MAGI1: variants seen among roughly 807,000 people sequenced by gnomAD.
MAGI1 encodes membrane associated guanylate kinase, WW and PDZ domain containing 1, also known as membrane-associated guanylate kinase, WW and PDZ domain-containing protein 1.
A neutral mutation model predicts 139.9 loss-of-function variants in MAGI1; 58 were observed. The observed-to-expected ratio is 0.41, with a 90% CI of 0.34 to 0.52. The LOEUF (loss-of-function observed/expected upper bound fraction) is 0.52. MAGI1 is among the 20% of genes least tolerant of loss of function. MAGI1 has a pLI of 0.12. For missense variants in MAGI1, 1,874 were observed against 1,901.6 expected (o/e 0.99, Z 0.27); for synonymous variants, 812 against 737.9 (o/e 1.10, Z -1.63).
chr3:66,003,839 T>G lies in MAGI1; in HGVS notation c.313+34157A>C, dbSNP rs530847563. 2.6e-5 allele frequency: 4 copies of G among 152,246 alleles called. No individual in the cohort carries two copies. The East Asian group carries it at 7.8e-4, about 30-fold the overall frequency. The allele number at this position is 152,246 out of a possible 1,614,324, so 9.4% of individuals were successfully genotyped here. Reference sequence around the variant, plus strand: ...ATTCTCACTTTTTTGTTTGTTTGGTTTTTGGTTAGTCAAGTAAAGTAGTGA... The same window carrying G: ...ATTCTCACTTTTTTGTTTGTTTGGTGTTTGGTTAGTCAAGTAAAGTAGTGA... On this transcript the variant is annotated intron_variant, in intron 1 of 22. Transcript: ENST00000402939.
intron 1 of MAGI1, among the ~76,000 whole-genome samples, chr3:65,842,816 C>T (rs1220975386): frequency 6.6e-6 from 1 of 152,178 alleles, no homozygotes; most frequent in Non-Finnish European, 1.5e-5. Flanking sequence ...TCATGGTGAC[C>T]TACTGCTCTT....
At chr3:65,929,955 C>T (rs1230537506) in intron 1 of MAGI1, among the ~76,000 whole-genome samples, 1 of 152,142 alleles carries the variant, frequency 6.6e-6, no homozygotes, top group African/African-American at 2.4e-5. Context: ...TTTCCTTTAT[C>T]AGCCAAAGAG....
At chr3:65,436,038 T>C (rs1947823881) in intron 10 of MAGI1, among the ~76,000 whole-genome samples, 1 of 152,174 alleles carries the variant, frequency 6.6e-6, no homozygotes, top group Admixed American at 6.5e-5. Flanking sequence ...TCAACATTAT[T>C]ATCTACTATA....
intron 1 of MAGI1, among the ~76,000 whole-genome samples, chr3:65,871,262 A>T: frequency 6.6e-6 from 1 of 152,080 alleles, no homozygotes. Flanking sequence ...TAAAACAAAA[A>T]ATATATATAT....
At chr3:65,845,765 G>A (rs986311840) in intron 1 of MAGI1, among the ~76,000 whole-genome samples, 28 of 152,214 alleles carry the variant, frequency 1.8e-4, no homozygotes, top group African/African-American at 6.0e-4. Context: ...CACCTGTCTC[G>A]ACCTTCTCTG....
intron 2 of MAGI1, among the ~76,000 whole-genome samples, chr3:65,550,936 C>T (rs914112927): frequency 6.6e-6 from 1 of 152,322 alleles, no homozygotes; most frequent in East Asian, 1.9e-4. Context: ...TGCCACTACA[C>T]TCCAGCCTGG....
chr3:65,581,868 C>T (rs13326823), intron 2 of MAGI1, among the ~76,000 whole-genome samples: 100,240 of 152,010 alleles, frequency 0.66, 33,831 homozygotes, highest in East Asian at 0.93. Context: ...CTTAAACTCC[C>T]TGAGAACAAC....
chr3:65,471,704 T>G (rs1439469539), intron 4 of MAGI1, among the ~76,000 whole-genome samples: 2 of 152,156 alleles, frequency 1.3e-5, no homozygotes, highest in African/African-American at 4.8e-5. Context: ...TACATCATAC[T>G]CCTTGCCAAT....
intron 1 of MAGI1, among the ~76,000 whole-genome samples, chr3:65,967,446 C>T (rs2064808288): frequency 1.3e-5 from 2 of 152,104 alleles, no homozygotes; most frequent in African/African-American, 4.8e-5. Context: ...GATTTCCCCA[C>T]CCCGACCTGC....
chr3:65,854,980 G>A (rs559603332), intron 1 of MAGI1, among the ~76,000 whole-genome samples: 1 of 152,358 alleles, frequency 6.6e-6, no homozygotes, highest in African/African-American at 2.4e-5. Context: ...AAATAACTAC[G>A]TACAACATCT....
rs1034736486 is a variant in MAGI1, at chr3:65,971,106, G to A, written c.313+66890C>T. ...TAGTCCCAGCTACTCGGGAGGCTGA[G>A]GCAGGAGAATCACTTGAACCCAGGA... is the stretch of plus-strand genomic sequence containing the variant. On this transcript the variant is annotated intron_variant, in intron 1 of 22. Transcript: ENST00000402939. 1.1e-4 allele frequency among the ~76,000 whole-genome samples: 17 copies of A among 152,286 alleles called. No homozygotes were observed. The East Asian group carries it at 2.9e-3, about 26-fold the overall frequency.
At chr3:65,862,580 T>C (rs368719151) in intron 1 of MAGI1, among the ~76,000 whole-genome samples, 4 of 152,306 alleles carry the variant, frequency 2.6e-5, no homozygotes, top group East Asian at 1.9e-4. Context: ...GGTGGGACCA[T>C]GTAACTGGGT....
chr3:65,631,835 C>T (rs1001253113), intron 1 of MAGI1, among the ~76,000 whole-genome samples: 1 of 151,992 alleles, frequency 6.6e-6, no homozygotes, highest in African/African-American at 2.4e-5. Flanking sequence ...ACCATCCTGG[C>T]CAACATGGTG....
At chr3:65,772,056 C>T (rs1422831575) in intron 1 of MAGI1, among the ~76,000 whole-genome samples, 1 of 152,060 alleles carries the variant, frequency 6.6e-6, no homozygotes, top group Non-Finnish European at 1.5e-5. Flanking sequence ...CAAAAATTTG[C>T]CAGACTTGGT....
chr3:65,427,130 A>G (rs1204709976), intron 12 of MAGI1, among the ~76,000 whole-genome samples: 2 of 152,152 alleles, frequency 1.3e-5, no homozygotes, highest in Non-Finnish European at 2.9e-5. Context: ...CATGGGTAAC[A>G]TGGAGAAATC....
intron 1 of MAGI1, among the ~76,000 whole-genome samples, chr3:65,671,732 A>C (rs914429711): frequency 2.0e-5 from 3 of 152,094 alleles, no homozygotes; most frequent in African/African-American, 7.2e-5. Context: ...TGAGTGGGCA[A>C]AGCTAGACTG....
chr3:65,384,014 A>T (rs919237263), intron 14 of MAGI1, among the ~76,000 whole-genome samples: 1 of 152,378 alleles, frequency 6.6e-6, no homozygotes, highest in South Asian at 2.1e-4. Context: ...AGGCTAAGTC[A>T]GAGTCACCTC....
chr3:65,756,674 T>G (rs1261251654), intron 1 of MAGI1, among the ~76,000 whole-genome samples: 2 of 152,182 alleles, frequency 1.3e-5, no homozygotes, highest in East Asian at 3.9e-4. Flanking sequence ...CCACAGTCTC[T>G]TCCTGTAAAC....
chr3:65,901,430 T>C (rs2061229881), intron 1 of MAGI1, among the ~76,000 whole-genome samples: 1 of 152,238 alleles, frequency 6.6e-6, no homozygotes, highest in African/African-American at 2.4e-5. Flanking sequence ...TTAGTATCTG[T>C]GAATACCACA....
Sources: allele counts gnomAD v4.1 joint callset (sites outside exome capture counted in the v4.1 genomes callset), GRCh38; gene constraint gnomAD v4.1.1; transcripts MANE v1.5; gene names NCBI Gene and HGNC (gene_info 2026-07-23, HGNC 2026-07-21).